SNTG1: variants seen among roughly 807,000 people sequenced by gnomAD.
SNTG1 encodes the protein gamma-1-syntrophin.
SNTG1 carries 39 observed loss-of-function variants against 74.7 expected under a neutral mutation model. The ratio of observed to expected loss-of-function variants is 0.52; its 90% CI spans 0.40 to 0.68. The LOEUF (loss-of-function observed/expected upper bound fraction) is 0.68, where lower values mean the gene tolerates loss of function less well. SNTG1 is among the 30% of genes least tolerant of loss of function. The probability of loss-of-function intolerance (pLI) is 0.00; values close to 1 mark genes in which losing one functional copy is unlikely to be tolerated. For synonymous variants in SNTG1, 254 were observed against 217.1 expected, an observed-to-expected ratio of 1.17 and a Z score of -1.49; for missense variants, 685 against 609.5, an observed-to-expected ratio of 1.12 and a Z score of -1.30.
intron 1 of SNTG1, among the ~76,000 whole-genome samples, chr8:50,079,963 G>T (rs1316551514): frequency 2.0e-5 from 3 of 152,150 alleles, no homozygotes; most frequent in Admixed American, 2.0e-4. Context: ...TTGTAGTATA[G>T]TTTGAAGTCA....
chr8:49,938,228 A>G (rs1013818498), intron 1 of SNTG1, among the ~76,000 whole-genome samples: 4 of 152,296 alleles, frequency 2.6e-5, no homozygotes, highest in African/African-American at 4.8e-5. Flanking sequence ...GCTGAGCCCA[A>G]TTGTCTCTCG....
chr8:50,766,107 G>T (rs1173304301), intron 18 of SNTG1, among the ~76,000 whole-genome samples: 2 of 151,928 alleles, frequency 1.3e-5, no homozygotes, highest in East Asian at 3.9e-4. Flanking sequence ...GTTTGTTCTG[G>T]TGGAGGCCAC....
intron 1 of SNTG1, among the ~76,000 whole-genome samples, chr8:49,971,864 G>T (rs1585716895): frequency 6.6e-6 from 1 of 152,162 alleles, no homozygotes; most frequent in Non-Finnish European, 1.5e-5. Context: ...GGAAATAAAA[G>T]AGGATACAAA....
chr8:50,309,558 A>G (rs1587063150), intron 2 of SNTG1, among the ~76,000 whole-genome samples: 1 of 152,206 alleles, frequency 6.6e-6, no homozygotes, highest in Non-Finnish European at 1.5e-5. Context: ...TGCAAGCTGC[A>G]TTCATTAATT....
chr8:50,700,744 T>G (rs1585579545), intron 15 of SNTG1, among the ~76,000 whole-genome samples: 1 of 152,178 alleles, frequency 6.6e-6, no homozygotes, highest in Middle Eastern at 3.2e-3. Flanking sequence ...GCATGTTACC[T>G]CTATAGCACT....
chr8:50,475,462 A>G (rs1311543083), intron 8 of SNTG1, among the ~76,000 whole-genome samples: 2 of 152,114 alleles, frequency 1.3e-5, no homozygotes, highest in Non-Finnish European at 2.9e-5. Context: ...CTCCTTGTGC[A>G]TTTGCCTACC....
chr8:50,679,058 T>C (rs1267585057), intron 15 of SNTG1, among the ~76,000 whole-genome samples: 2 of 152,114 alleles, frequency 1.3e-5, no homozygotes, highest in African/African-American at 4.8e-5. Context: ...TAATATTCAA[T>C]TTTGCTGTAG....
At chr8:50,465,672 A>C (rs978284814) in intron 8 of SNTG1, among the ~76,000 whole-genome samples, 1 of 152,118 alleles carries the variant, frequency 6.6e-6, no homozygotes, top group Non-Finnish European at 1.5e-5. Flanking sequence ...TTTTCCTTTA[A>C]CAGAATGCCA....
In SNTG1 at chr8:50,449,675, C is replaced by T. The variant is rs758982990; in HGVS notation, c.227C>T (p.Ala76Val). ...GGFGLSIKGGAEHNIPVVVSK... is the reference protein window; with the variant it reads ...GGFGLSIKGGVEHNIPVVVSK... Reference sequence around the variant, plus strand: ...ATGATTTTCTCTTTTCAGGGAGGAGCAGAACATAACATTCCAGTTGTCGTT... The same window carrying T: ...ATGATTTTCTCTTTTCAGGGAGGAGTAGAACATAACATTCCAGTTGTCGTT... The change falls in exon 6 of 19, where the codon GCA becomes GTA. Residue 76 changes from alanine (A) to valine (V), a missense_variant. By Grantham distance (64) the Ala-to-Val change is moderately conservative. Coordinates refer to ENST00000642720, the MANE Select transcript of SNTG1 (RefSeq NM_018967.5). The T allele has an allele frequency of 6.3e-7, 1 of 1,591,608 alleles. No homozygotes were observed. The highest frequency in any genetic ancestry group is 8.6e-7 in the Non-Finnish European group (1 of 1,167,440).
At chr8:50,086,025 C>A (rs188588238) in intron 1 of SNTG1, among the ~76,000 whole-genome samples, 8 of 150,350 alleles carry the variant, frequency 5.3e-5, no homozygotes, top group Non-Finnish European at 4.4e-5. Context: ...AACTGGAATT[C>A]TCTGAGAGAA....
rs2093575827 is a variant in SNTG1, at chr8:50,462,793, A to C, written c.363+12064A>C. Among the ~76,000 whole-genome samples, 10 of 18,974 alleles carry C rather than the reference A, an allele frequency of 5.3e-4. 2 individuals are homozygous for C. The highest frequency in any genetic ancestry group is 9.6e-4 in the Non-Finnish European group (6 of 6,260). 12.4% of individuals were successfully genotyped at this position (18,974 alleles called of 152,430 possible). On this transcript the variant is annotated intron_variant, in intron 8 of 18. Transcript: ENST00000642720. Reference sequence around the variant, plus strand: ...CAACTCAGTCGCATCTTCAGGTTCTACTCTTTTTTTTTTTTTTTTTTTTTT... The same window carrying C: ...CAACTCAGTCGCATCTTCAGGTTCTCCTCTTTTTTTTTTTTTTTTTTTTTT...
chr8:50,747,906 T>A (rs1308411426), intron 17 of SNTG1: 5 of 152,026 alleles, frequency 3.3e-5, no homozygotes, highest in Non-Finnish European at 7.4e-5. Flanking sequence ...AGCTAACTTT[T>A]TGTCTTTTTT....
rs80080570 is a variant in SNTG1, at chr8:50,286,723, G to A, written c.-27-107489G>A. On this transcript the variant is annotated intron_variant, in intron 2 of 18. Coordinates refer to ENST00000642720, the MANE Select transcript of SNTG1 (RefSeq NM_018967.5). ...TTAAAATTCTGTTGTCTGGGTTAAG[G>A]TTGGGGAATTTGTTGCTGTGTTTTA... 1.3e-4 allele frequency: 20 copies of A among 152,282 alleles called. 1 individual carries two copies. In the East Asian group the frequency reaches 3.9e-3, roughly 29 times the overall value. The allele number at this position is 152,282 out of a possible 1,614,324, so 9.4% of individuals were successfully genotyped here.
intron 1 of SNTG1, among the ~76,000 whole-genome samples, chr8:49,913,840 GCA>G (rs1563339880): frequency 6.6e-6 from 1 of 152,152 alleles, no homozygotes; most frequent in East Asian, 1.9e-4. Flanking sequence ...AGTCAGTAGG[GCA>G]TAAAATGTAA....
intron 1 of SNTG1, among the ~76,000 whole-genome samples, chr8:50,120,431 C>T (rs2080958072): frequency 7.1e-6 from 1 of 140,060 alleles, no homozygotes. Context: ...AGTACTACTA[C>T]TACCACCACC....
At chr8:50,114,368 T>G (rs1184853901) in intron 1 of SNTG1, among the ~76,000 whole-genome samples, 1 of 152,178 alleles carries the variant, frequency 6.6e-6, no homozygotes, top group Non-Finnish European at 1.5e-5. Flanking sequence ...AATCCTGCTA[T>G]CTGTGACAAT....
intron 13 of SNTG1, among the ~76,000 whole-genome samples, chr8:50,641,148 A>T (rs1440302587): frequency 6.6e-6 from 1 of 152,312 alleles, no homozygotes; most frequent in African/African-American, 2.4e-5. Context: ...CTCATCCCAC[A>T]TTAAATTCAT....
At chr8:50,377,062 C>T (rs1222365448) in intron 2 of SNTG1, among the ~76,000 whole-genome samples, 9 of 152,020 alleles carry the variant, frequency 5.9e-5, no homozygotes, top group Non-Finnish European at 1.2e-4. Context: ...TCTGAGTCAG[C>T]TTCATAAAAT....
chr8:50,554,849 C>T (rs924205583), intron 12 of SNTG1, among the ~76,000 whole-genome samples: 2 of 151,990 alleles, frequency 1.3e-5, no homozygotes, highest in Non-Finnish European at 2.9e-5. Context: ...AAGATATGAA[C>T]TTATATTTGT....
Sources: gnomAD v4.1 joint callset for allele counts (sites outside exome capture counted in the v4.1 genomes callset) on GRCh38, gnomAD v4.1.1 for gene constraint, MANE v1.5 for transcripts, NCBI Gene and HGNC (gene_info 2026-07-23, HGNC 2026-07-21) for gene names.